TNN: variants seen among roughly 807,000 people sequenced by gnomAD.
TNN encodes tenascin N, also known as tenascin-N.
Under a neutral mutation model 134.4 loss-of-function variants are expected in TNN, and 122 were observed. The observed-to-expected ratio is 0.91, with a 90% confidence interval of 0.78 to 1.06. The LOEUF (loss-of-function observed/expected upper bound fraction) is 1.06. Ranked by LOEUF, TNN falls within the 50% of genes least tolerant of loss-of-function variation. TNN has a pLI of 0.00. For synonymous variants in TNN, 710 were observed against 670.3 expected (o/e 1.06, Z -0.91); for missense variants, 1,739 against 1,699.4 (o/e 1.02, Z -0.41).
At chr1:175,120,486 C>A (rs369306419) in intron 11 of TNN, among the ~76,000 whole-genome samples, 4 of 152,194 alleles carry the variant, frequency 2.6e-5, no homozygotes, top group African/African-American at 9.6e-5. Context: ...GGTAGCTCCT[C>A]GTCCAGGAGA....
At chr1:175,129,060 G>A (rs918961369) in intron 15 of TNN, among the ~76,000 whole-genome samples, 11 of 152,152 alleles carry the variant, frequency 7.2e-5, no homozygotes, top group Admixed American at 5.9e-4. Flanking sequence ...AGACAGAGTA[G>A]GGCGTTTCTG....
intron 11 of TNN, among the ~76,000 whole-genome samples, chr1:175,120,516 T>G (rs1036228784): frequency 1.3e-5 from 2 of 152,224 alleles, no homozygotes; most frequent in African/African-American, 4.8e-5. Context: ...CTTCTGTGAT[T>G]GTTGCTTAGT....
At chr1:175,084,069 T>C in intron 5 of TNN, 134 bp downstream of exon 5, 1 of 907,462 alleles carries the variant, frequency 1.1e-6, no homozygotes, top group Non-Finnish European at 1.6e-6. Flanking sequence ...CACACTTGAA[T>C]CTGACCCTTG....
intron 17 of TNN, among the ~76,000 whole-genome samples, chr1:175,140,959 C>T (rs1675931818): frequency 6.6e-6 from 1 of 152,094 alleles, no homozygotes; most frequent in South Asian, 2.1e-4. Flanking sequence ...ATTTTGATAC[C>T]TCCCTGCACG....
intron 15 of TNN, among the ~76,000 whole-genome samples, chr1:175,133,728 C>T (rs951849331): frequency 3.9e-5 from 6 of 152,210 alleles, no homozygotes; most frequent in Non-Finnish European, 7.3e-5. Context: ...GGGTCCCATG[C>T]TTCTCTGTAC....
chr1:175,108,500 G>T (rs1409911430), intron 9 of TNN, among the ~76,000 whole-genome samples: 2 of 152,262 alleles, frequency 1.3e-5, no homozygotes, highest in African/African-American at 4.8e-5. Flanking sequence ...GGGCGCCGTG[G>T]AGCAGGGGAT....
intron 10 of TNN, 41 bp from the exon 11 acceptor site, chr1:175,118,520 A>G: frequency 6.2e-7 from 1 of 1,608,416 alleles, no homozygotes; most frequent in Non-Finnish European, 8.5e-7. Flanking sequence ...GCACTCTGGC[A>G]CCTGTTCATA....
At position 175,085,508 on chromosome 1, in the gene TNN, G is replaced by A; in HGVS notation, c.1324+14G>A. 1 of 1,561,752 alleles carries A rather than the reference G, an allele frequency of 6.4e-7. No individual in the cohort carries two copies. Among genetic ancestry groups the A allele is most frequent in the African/African-American group, 1.4e-5 (1 of 74,020 alleles). ...ATGGCAGGACAGGTGAGAGCTACTT[G>A]GAGGCACTATGGGCATTTAATCATG... On this transcript the variant is annotated intron_variant, in intron 6 of 18. Coordinates refer to ENST00000239462, the MANE Select transcript of TNN (RefSeq NM_022093.2).
At chr1:175,146,834 G>A in intron 18 of TNN, 97 bp from the exon 19 acceptor site, 1 of 1,182,486 alleles carries the variant, frequency 8.5e-7, no homozygotes. Flanking sequence ...GGTTTCACTG[G>A]TAATTAATTA....
chr1:175,100,974 A>G (rs1242507447), intron 9 of TNN, among the ~76,000 whole-genome samples: 2 of 152,248 alleles, frequency 1.3e-5, no homozygotes, highest in African/African-American at 4.8e-5. Flanking sequence ...CAGGATATCC[A>G]TCAGCTCAAC....
intron 11 of TNN, among the ~76,000 whole-genome samples, chr1:175,119,027 A>G (rs900681386): frequency 2.0e-5 from 3 of 152,248 alleles, no homozygotes; most frequent in Non-Finnish European, 2.9e-5. Flanking sequence ...AAGAAAGAAC[A>G]ACGTGTTATA....
At chr1:175,072,874 G>A (rs1673949616) in intron 1 of TNN, among the ~76,000 whole-genome samples, 1 of 147,428 alleles carries the variant, frequency 6.8e-6, no homozygotes, top group South Asian at 2.2e-4. Flanking sequence ...AACAAATGCT[G>A]TAGACCTGGG....
chr1:175,123,407 C>T lies in TNN; in HGVS notation c.2658C>T (p.Asp886=), dbSNP rs187781360. ...KADTKAQTEI[D]GPKNLVTDWV... ...CTAAATCTTTTTAAAAAGAAATTGA[C>T]GGCCCCAAAAACCTAGTGACTGACT... is the stretch of plus-strand genomic sequence containing the variant. The change falls in exon 12 of 19, where the codon GAC becomes GAT. Residue 886 remains aspartate (D), a synonymous_variant. Coordinates refer to ENST00000239462, the MANE Select transcript of TNN (RefSeq NM_022093.2). 26 of 1,613,134 alleles carry T rather than the reference C, an allele frequency of 1.6e-5. No individual in the cohort carries two copies. Among genetic ancestry groups the T allele is most frequent in the Admixed American group, 1.2e-4 (7 of 59,638 alleles).
intron 1 of TNN, among the ~76,000 whole-genome samples, chr1:175,076,471 C>T (rs777323478): frequency 1.4e-4 from 22 of 152,192 alleles, no homozygotes; most frequent in Admixed American, 3.3e-4. Context: ...ACCAGGTCAA[C>T]GCTCAAGAGA....
At position 175,139,883 on chromosome 1, in the gene TNN, C is replaced by T. The variant is rs550295316; in HGVS notation, c.3595+2895C>T. Among the ~76,000 whole-genome samples, 1,028 of 152,284 alleles carry T rather than the reference C, an allele frequency of 6.8e-3. 6 individuals are homozygous for T. Among genetic ancestry groups the T allele is most frequent in the Non-Finnish European group, 0.011 (765 of 68,024 alleles). On this transcript the variant is annotated intron_variant, in intron 17 of 18. Transcript: ENST00000239462. ...TATTGTGATCTTATGAGACCACTGT[C>T]GTATATGCAGTCCCTTGTTAACTGA...
chr1:175,142,198 G>A (rs1156640661), intron 17 of TNN, among the ~76,000 whole-genome samples: 1 of 152,232 alleles, frequency 6.6e-6, no homozygotes, highest in Non-Finnish European at 1.5e-5. Flanking sequence ...ACTGGAGACA[G>A]ACCTGTCTGC....
intron 18 of TNN, among the ~76,000 whole-genome samples, chr1:175,146,414 G>T (rs1490927624): frequency 1.3e-5 from 2 of 152,036 alleles, no homozygotes; most frequent in Non-Finnish European, 2.9e-5. Context: ...ATATTATTGC[G>T]CTCACCAGTC....
chr1:175,117,066 G>T lies in TNN; in HGVS notation c.2247G>T (p.Glu749Asp), dbSNP rs765531958. ...VVRYTSAKDGETREVPVGKEQ... is the reference protein window; with the variant it reads ...VVRYTSAKDGDTREVPVGKEQ... ...GCTACACCTCTGCCAAGGACGGAGA[G>T]ACCAGGGAGGTTCCGGTGGGGAAGG... The change falls in exon 10 of 19, where the codon GAG becomes GAT. Residue 749 changes from glutamate to aspartate, a missense_variant. Physicochemically the swap from Glu to Asp is conservative, Grantham distance 45. Coordinates refer to ENST00000239462, the MANE Select transcript of TNN (RefSeq NM_022093.2). 1.9e-6 allele frequency: 3 copies of T among 1,614,266 alleles called. No homozygotes were observed. Among genetic ancestry groups the T allele is most frequent in the Non-Finnish European group, 2.5e-6 (3 of 1,180,040 alleles).
intron 9 of TNN, among the ~76,000 whole-genome samples, chr1:175,100,064 A>G (rs1003581602): frequency 7.2e-5 from 11 of 152,134 alleles, no homozygotes; most frequent in Non-Finnish European, 1.0e-4. Flanking sequence ...CTCTTTTGCA[A>G]TGCTACAGCC....
Sources: allele counts gnomAD v4.1 joint callset (sites outside exome capture counted in the v4.1 genomes callset), GRCh38; gene constraint gnomAD v4.1.1; transcripts MANE v1.5; gene names NCBI Gene and HGNC (gene_info 2026-07-23, HGNC 2026-07-21).